The following LNX1 variants were observed in gnomAD, a reference collection of about 807,000 sequenced individuals.
LNX1 encodes the protein E3 ubiquitin-protein ligase LNX.
A neutral mutation model predicts 68.4 loss-of-function variants in LNX1; 54 were observed. The observed-to-expected ratio is 0.79, with a 90% CI of 0.63 to 0.99. The LOEUF (loss-of-function observed/expected upper bound fraction) is 0.99. LNX1 is among the 50% of genes least tolerant of loss of function. The pLI, the probability that LNX1 is intolerant of heterozygous loss-of-function variation, is 0.00. For synonymous variants in LNX1, 336 were observed against 350.0 expected (o/e 0.96, Z 0.45); for missense variants, 906 against 926.4 (o/e 0.98, Z 0.29).
rs562331667 is a variant in LNX1 at position 53,631,861 on chromosome 4, CT to C, written c.-215+20306del. Among the ~76,000 whole-genome samples the C allele has an allele frequency of 5.1e-3, 743 of 145,302 alleles. 3 individuals are homozygous for C. Among genetic ancestry groups the C allele is most frequent in the African/African-American group, 0.013 (537 of 39,882 alleles). On this transcript the variant is annotated intron_variant, in intron 1 of 2. Transcript: ENST00000507168. ...GTCTCTTTGGAGGTGGAGCCTGAGC[CT>C]TTTTTTTTTTAAGTCCTTGAGAATC...
chr4:53,496,177 C>A lies in LNX1; in HGVS notation c.1196G>T (p.Arg399Leu). The part of the protein sequence containing the change: ...PEEQLGIKLV[R>L]KVDEPGVFIF... ...GAAAACCCCAGGCTCATCCACCTTG[C>A]GCACCAGTTTTATTCCAAGCTGCTC... Residue 399 changes from arginine (R) to leucine (L), a missense_variant, in exon 6 of 11, where the codon CGC becomes CTC. Transcript: ENST00000263925. 1 of 1,614,146 alleles carries A rather than the reference C, an allele frequency of 6.2e-7. No individual in the cohort carries two copies. The highest frequency in any genetic ancestry group is 8.5e-7 in the Non-Finnish European group (1 of 1,180,028).
intron 1 of LNX1, chr4:53,579,300 C>A (rs1013708897): frequency 1.0e-6 from 1 of 981,668 alleles, no homozygotes; most frequent in Non-Finnish European, 1.2e-6. Flanking sequence ...TCAGTATAAC[C>A]CTGTGGTGCC....
chr4:53,614,161 G>A (rs1259793575), intron 2 of LNX1, among the ~76,000 whole-genome samples: 1 of 152,114 alleles, frequency 6.6e-6, no homozygotes, highest in Non-Finnish European at 1.5e-5. Context: ...TTTTAATGGG[G>A]TTGTTTTATG....
chr4:53,501,313 C>T (rs1395922302), intron 4 of LNX1, among the ~76,000 whole-genome samples: 3 of 82,288 alleles, frequency 3.6e-5, no homozygotes, highest in Non-Finnish European at 7.4e-5. Context: ...GGTGGGGGGA[C>T]AGGATCTCAC....
intron 1 of LNX1, among the ~76,000 whole-genome samples, chr4:53,648,622 A>G (rs1366285348): frequency 6.6e-6 from 1 of 152,024 alleles, no homozygotes; most frequent in Non-Finnish European, 1.5e-5. Flanking sequence ...TATCATTGGC[A>G]TTTCTGTGCT....
rs189950925 is a variant in LNX1, at chr4:53,626,086, C to T, written c.-215+26082G>A. Among the ~76,000 whole-genome samples, 28 of 152,180 alleles carry T rather than the reference C, an allele frequency of 1.8e-4. No individual in the cohort carries two copies. In the East Asian group the frequency reaches 1.9e-3, roughly 10 times the overall value. ...AAGGAATGAATATTGACATATGTTG[C>T]GACATGGATGAACCTGGAGACTATT... On this transcript the variant is annotated intron_variant, in intron 1 of 2. Transcript: ENST00000507168.
rs772790934 is a variant in LNX1 at position 53,573,838 on chromosome 4, C to T, written c.165G>A (p.Pro55=). The T allele has an allele frequency of 1.7e-5, 27 of 1,613,530 alleles. No individual in the cohort carries two copies. Among genetic ancestry groups the T allele is most frequent in the East Asian group, 6.7e-5 (3 of 44,876 alleles). ...AGAGGGTGCAGTAGGTGTGTCCACA[C>T]GGAGTGTCCAGGGGGTCCAGCAAAG... ...LQALLDPLDT[P]CGHTYCTLCL... is the part of the protein sequence containing the mutation. The change falls in exon 2 of 11, where the codon CCG becomes CCA. Residue 55 remains proline, a synonymous_variant. Transcript: ENST00000263925.
At position 53,479,523 on chromosome 4, in the gene LNX1, G is replaced by A. The variant is rs927378967; in HGVS notation, c.1486-781C>T. On this transcript the variant is annotated intron_variant, in intron 7 of 10. Coordinates refer to ENST00000263925, the MANE Select transcript of LNX1 (RefSeq NM_001126328.3). ...CCATGACCATTTCCTTTCTTAACCA[G>A]AAAAGCGACCAATGTCAGCAATGGA... 3.9e-5 allele frequency among the ~76,000 whole-genome samples: 6 copies of A among 152,094 alleles called. No individual in the cohort carries two copies. In the South Asian group the frequency reaches 6.2e-4, roughly 16 times the overall value.
intron 1 of LNX1, among the ~76,000 whole-genome samples, chr4:53,583,552 GA>G (rs35922375): frequency 0.1 from 15,577 of 149,168 alleles, 907 homozygotes; most frequent in East Asian, 0.26. Context: ...CAAAAATACA[GA>G]AAAAAAAAAC....
upstream of LNX1, among the ~76,000 whole-genome samples, chr4:53,622,471 G>T (rs571927155): frequency 1.3e-5 from 2 of 152,178 alleles, no homozygotes; most frequent in East Asian, 3.9e-4. Flanking sequence ...GGCGTGGCGA[G>T]ACCACAGCTC....
chr4:53,564,786 C>T lies in LNX1; in HGVS notation c.380+8837G>A, dbSNP rs1038039952. Among the ~76,000 whole-genome samples, 69 of 152,254 alleles carry T rather than the reference C, an allele frequency of 4.5e-4. 1 individual carries two copies. The highest frequency in any genetic ancestry group is 2.9e-3 in the South Asian group (14 of 4,816). On this transcript the variant is annotated intron_variant, in intron 2 of 10. Transcript: ENST00000263925. ...CAGTGGGCGCAGGTCAGTGGGTGCG[C>T]GCACCCTGCGCCAGCCGAAGCAGGG...
At chr4:53,626,647 C>T (rs1734086147) in intron 1 of LNX1, among the ~76,000 whole-genome samples, 2 of 152,196 alleles carry the variant, frequency 1.3e-5, no homozygotes. Context: ...CAGAAAGTTA[C>T]ATCTCTTCTC....
At chr4:53,638,451 G>A (rs1458733411) in intron 1 of LNX1, among the ~76,000 whole-genome samples, 1 of 152,154 alleles carries the variant, frequency 6.6e-6, no homozygotes, top group East Asian at 1.9e-4. Context: ...GGTTATTTGT[G>A]GGCATGCTCA....
At chr4:53,578,534 G>T (rs1731637378) in intron 1 of LNX1, among the ~76,000 whole-genome samples, 1 of 152,200 alleles carries the variant, frequency 6.6e-6, no homozygotes, top group South Asian at 2.1e-4. Context: ...ATCATATGTG[G>T]AGTCTGTCAT....
intron 8 of LNX1, 129 bp from the exon 9 acceptor site, chr4:53,477,110 C>A: frequency 2.5e-6 from 2 of 792,424 alleles, no homozygotes; most frequent in South Asian, 1.4e-5. Context: ...TCTTTGTTGA[C>A]GGGAGGCTGG....
At chr4:53,615,129 G>A (rs745680183) in intron 2 of LNX1, among the ~76,000 whole-genome samples, 13 of 152,286 alleles carry the variant, frequency 8.5e-5, no homozygotes, top group Non-Finnish European at 1.5e-4. Flanking sequence ...AAAATGCCAC[G>A]ATTGAAACAG....
At chr4:53,606,643 C>G (rs113783745) in intron 2 of LNX1, among the ~76,000 whole-genome samples, 111,490 of 152,024 alleles carry the variant, frequency 0.73, 41,164 homozygotes, top group East Asian at 0.9. Context: ...ACCTGGCAGA[C>G]ATACAATAAA....
chr4:53,638,282 T>A (rs1338027443), intron 1 of LNX1, among the ~76,000 whole-genome samples: 3 of 152,230 alleles, frequency 2.0e-5, no homozygotes, highest in Non-Finnish European at 4.4e-5. Context: ...CTTTCGATAC[T>A]TTAATAATGC....
intron 1 of LNX1, among the ~76,000 whole-genome samples, chr4:53,648,613 A>G (rs1204130964): frequency 6.6e-6 from 1 of 152,078 alleles, no homozygotes; most frequent in Admixed American, 6.5e-5. Context: ...ATTTTGATAT[A>G]TCATTGGCAT....
Sources: gnomAD v4.1 joint callset for allele counts (sites outside exome capture counted in the v4.1 genomes callset) on GRCh38, gnomAD v4.1.1 for gene constraint, MANE v1.5 for transcripts, NCBI Gene and HGNC (gene_info 2026-07-23, HGNC 2026-07-21) for gene names.